Variants in ANKMY1 observed in about 807,000 individuals in gnomAD.
The protein encoded by ANKMY1 is ankyrin repeat and MYND domain containing 1, also known as ankyrin repeat and MYND domain-containing protein 1.
In ANKMY1, 98 loss-of-function variants were observed where a neutral mutation model predicts 102.0. That is an observed-to-expected ratio of 0.96 (90% CI 0.82 to 1.14). The LOEUF (loss-of-function observed/expected upper bound fraction) is 1.14, where lower values mean the gene tolerates loss of function less well. Ranked by LOEUF, ANKMY1 falls within the 50% of genes most tolerant of loss-of-function variation. The pLI is 0.00. For synonymous variants in ANKMY1, 582 were observed against 559.9 expected, an observed-to-expected ratio of 1.04 and a Z score of -0.56; for missense variants, 1,330 against 1,347.6, an observed-to-expected ratio of 0.99 and a Z score of 0.20.
rs1269446899 is a variant in ANKMY1, at chr2:240,506,797, G to A, written c.2526+763C>T. 6.6e-6 allele frequency among the ~76,000 whole-genome samples: 1 copy of A among 152,166 alleles called. No homozygotes were observed. Among genetic ancestry groups the A allele is most frequent in the Non-Finnish European group, 1.5e-5 (1 of 68,032 alleles). On this transcript the variant is annotated intron_variant, in intron 13 of 17. Coordinates refer to ENST00000401804, the MANE Select transcript of ANKMY1 (RefSeq NM_001282771.3). The surrounding 1 kb of genome is among the most constrained non-coding windows in gnomAD (Gnocchi z 4.9). ...ATGGGCGGAGGGCAGCAGGCAGCAG[G>A]GCACAGAGGGAGGCCCTGCCTGAGC...
intron 5 of ANKMY1, 95 bp downstream of exon 5, chr2:240,528,942 C>T (rs371303366): frequency 1.8e-6 from 2 of 1,140,154 alleles, no homozygotes; most frequent in East Asian, 2.3e-5. Flanking sequence ...TGAGGGAGCA[C>T]TGTCAGTGGC....
intron 16 of ANKMY1, 148 bp from the exon 17 acceptor site, chr2:240,481,245 C>T: frequency 1.0e-6 from 1 of 997,340 alleles, no homozygotes; most frequent in Non-Finnish European, 1.4e-6. Flanking sequence ...AGCCTTCACA[C>T]ACAGACAAAA....
At chr2:240,552,220 A>G (rs1386873523) in intron 4 of ANKMY1, among the ~76,000 whole-genome samples, 2 of 152,242 alleles carry the variant, frequency 1.3e-5, no homozygotes, top group Non-Finnish European at 2.9e-5. Flanking sequence ...CTTTCTGTGC[A>G]GGAAGCGGAA....
At chr2:240,515,307 T>C (rs191443680) in intron 9 of ANKMY1, among the ~76,000 whole-genome samples, 12 of 152,064 alleles carry the variant, frequency 7.9e-5, no homozygotes, top group East Asian at 1.9e-4. Flanking sequence ...GAGGCCAAGG[T>C]GGGCGGATCA....
chr2:240,473,220 T>A, the ANKMY1 span, among the ~76,000 whole-genome samples: 2 of 136,324 alleles, frequency 1.5e-5, no homozygotes, highest in Non-Finnish European at 3.2e-5. Context: ...TGCCTGACAA[T>A]TCAAAACAAT....
intron 4 of ANKMY1, among the ~76,000 whole-genome samples, chr2:240,535,003 G>A (rs1269904966): frequency 1.3e-5 from 2 of 152,222 alleles, no homozygotes; most frequent in Non-Finnish European, 2.9e-5. Context: ...GGAGGCTGAG[G>A]CAAAGGATTG....
At chr2:240,523,839 C>T (rs376194223) in intron 8 of ANKMY1, 46 bp downstream of exon 8, 16 of 1,589,476 alleles carry the variant, frequency 1.0e-5, no homozygotes, top group Non-Finnish European at 1.3e-5. Context: ...TAGGATTCAG[C>T]CCTGATGGTG....
At chr2:240,560,396 A>G, upstream of ANKMY1, 1 of 267,232 alleles carries the variant, frequency 3.7e-6, no homozygotes, top group Non-Finnish European at 6.9e-6. Flanking sequence ...GGGGGCGGGG[A>G]GGACGGCGCC....
chr2:240,478,934 G>A (rs2075046596), downstream of ANKMY1, among the ~76,000 whole-genome samples: 1 of 152,066 alleles, frequency 6.6e-6, no homozygotes, highest in East Asian at 1.9e-4. Context: ...CCTTCTCCAG[G>A]TCCGCCCCTC....
At chr2:240,533,362 G>C (rs954076619) in intron 4 of ANKMY1, among the ~76,000 whole-genome samples, 1 of 151,948 alleles carries the variant, frequency 6.6e-6, no homozygotes, top group African/African-American at 2.4e-5. Context: ...AGATGTACAT[G>C]GTCTAAAATC....
intron 14 of ANKMY1, 76 bp from the exon 15 acceptor site, chr2:240,500,199 G>A: frequency 6.8e-7 from 1 of 1,463,296 alleles, no homozygotes; most frequent in Non-Finnish European, 9.1e-7. Context: ...GGTGATCGAG[G>A]GCTCCTGTCA....
chr2:240,526,539 C>A (rs1559329267), intron 5 of ANKMY1, 94 bp from the exon 6 acceptor site: 3 of 1,551,202 alleles, frequency 1.9e-6, no homozygotes, highest in Non-Finnish European at 1.7e-6. Context: ...AATGCCTCTC[C>A]CTCTTGTGGC....
chr2:240,555,782 A>C (rs899226457), intron 2 of ANKMY1, among the ~76,000 whole-genome samples: 2 of 152,000 alleles, frequency 1.3e-5, no homozygotes, highest in African/African-American at 4.8e-5. Context: ...AGACCTCCAC[A>C]GATGGATGGG....
chr2:240,523,455 G>A (rs1277600844), intron 8 of ANKMY1: 1 of 191,968 alleles, frequency 5.2e-6, no homozygotes, highest in Non-Finnish European at 1.1e-5. Context: ...GGGGTGCATA[G>A]ACCACATTTT....
chr2:240,517,395 A>G (rs1165321371), intron 9 of ANKMY1, among the ~76,000 whole-genome samples: 1 of 152,218 alleles, frequency 6.6e-6, no homozygotes, highest in Non-Finnish European at 1.5e-5. Flanking sequence ...GGTTCTCCCA[A>G]TTCATGCAGG....
chr2:240,509,480 A>G, intron 11 of ANKMY1, 25 bp from the exon 12 acceptor site: 1 of 1,545,514 alleles, frequency 6.5e-7, no homozygotes, highest in Non-Finnish European at 8.9e-7. Flanking sequence ...ATGACAGGTT[A>G]GAGAGGCACC....
At chr2:240,521,946 A>AG (rs2082370103) in intron 8 of ANKMY1, 1 of 152,282 alleles carries the variant, frequency 6.6e-6, no homozygotes, top group Non-Finnish European at 1.5e-5. Context: ...AGTGAGCAGC[A>AG]GCAAGATTTA....
rs573110027 is a variant in ANKMY1 at position 240,525,856 on chromosome 2, G to A, written c.1171-7C>T. ...TGTCGTTGTGGCAGTGAGTCTGGAG[G>A]GAGATGAGGCAGGACTCAGGATGAT... On this transcript the variant is annotated splice_polypyrimidine_tract_variant and splice_region_variant and intron_variant, in intron 6 of 17. Coordinates refer to ENST00000401804, the MANE Select transcript of ANKMY1 (RefSeq NM_001282771.3). 11 of 1,613,496 alleles carry A rather than the reference G, an allele frequency of 6.8e-6. No homozygotes were observed. Among genetic ancestry groups the A allele is most frequent in the Non-Finnish European group, 9.3e-6 (11 of 1,179,746 alleles).
chr2:240,509,508 C>G, intron 11 of ANKMY1, 53 bp from the exon 12 acceptor site: 2 of 1,243,926 alleles, frequency 1.6e-6, no homozygotes, highest in Non-Finnish European at 2.3e-6. Flanking sequence ...ATAAGCAGCA[C>G]CTGATGGTAG....
Sources: gnomAD v4.1 joint callset for allele counts (sites outside exome capture counted in the v4.1 genomes callset) on GRCh38, gnomAD v4.1.1 for gene constraint, Gnocchi (gnomAD v3.1) non-coding constraint, MANE v1.5 for transcripts, NCBI Gene and HGNC (gene_info 2026-07-23, HGNC 2026-07-21) for gene names.